DLG1: variants seen among roughly 807,000 people sequenced by gnomAD.
The protein encoded by DLG1 is discs large MAGUK scaffold protein 1.
Under a neutral mutation model 123.4 loss-of-function variants are expected in DLG1, and 42 were observed. The ratio of observed to expected loss-of-function variants is 0.34; its 90% CI spans 0.27 to 0.44. The LOEUF (loss-of-function observed/expected upper bound fraction) is 0.44. DLG1 is among the 20% of genes least tolerant of loss of function. The pLI is 1.00. For missense variants in DLG1, 942 were observed against 1,082.6 expected (o/e 0.87, Z 1.82); for synonymous variants, 317 against 356.2 (o/e 0.89, Z 1.24).
rs952779937 is a variant in DLG1, at chr3:197,221,810, A to G, written c.319-27221T>C. On this transcript the variant is annotated intron_variant, in intron 4 of 24. Coordinates refer to ENST00000667157, the MANE Select transcript of DLG1 (RefSeq NM_001366207.1). ...TGCTTTTGTTTAATATAGAGGCTAT[A>G]AAAGCTAAATACTGTACAGTCATCC... Among the ~76,000 whole-genome samples, 5 of 152,236 alleles carry G rather than the reference A, an allele frequency of 3.3e-5. No individual in the cohort carries two copies. In the East Asian group the frequency reaches 5.8e-4, roughly 18 times the overall value.
Position 197,161,645 on chromosome 3 carries a change from G to C in DLG1, c.484-11849C>G, listed in dbSNP as rs765788178. On this transcript the variant is annotated intron_variant, in intron 5 of 24. Coordinates refer to ENST00000667157, the MANE Select transcript of DLG1 (RefSeq NM_001366207.1). ...AAAAAGAAACTAATAAAAACCTGTGGTATGGTGGGTAGGATGACAGTATTC... is the reference window on the plus strand; with the variant it reads ...AAAAAGAAACTAATAAAAACCTGTGCTATGGTGGGTAGGATGACAGTATTC... 2.0e-6 allele frequency: 3 copies of C among 1,494,646 alleles called. No individual in the cohort carries two copies. In the South Asian group the frequency reaches 4.2e-5, roughly 21 times the overall value. The allele number at this position is 1,494,646 out of a possible 1,614,324, so 92.6% of individuals were successfully genotyped here. A position where few individuals can be genotyped will look rare whatever the true frequency, so the allele number is the denominator to read the frequency against.
chr3:197,060,826 TTTTG>T (rs895492229), intron 22 of DLG1, among the ~76,000 whole-genome samples: 25 of 151,924 alleles, frequency 1.6e-4, no homozygotes, highest in African/African-American at 3.4e-4. Context: ...AACTTCAGTT[TTTTG>T]TTTGTTTGTT....
At chr3:197,148,852 C>T (rs1052026198) in intron 6 of DLG1, among the ~76,000 whole-genome samples, 3 of 152,132 alleles carry the variant, frequency 2.0e-5, no homozygotes, top group East Asian at 1.9e-4. Flanking sequence ...CACGAAATTG[C>T]GGCATTTTCT....
chr3:197,207,171 T>C (rs1728975951), intron 4 of DLG1, among the ~76,000 whole-genome samples: 1 of 152,206 alleles, frequency 6.6e-6, no homozygotes, highest in South Asian at 2.1e-4. Context: ...CTTTGCTCTT[T>C]ACGCAAAGTT....
intron 22 of DLG1, among the ~76,000 whole-genome samples, chr3:197,061,567 G>A (rs12631126): frequency 0.26 from 38,841 of 148,242 alleles, 5,940 homozygotes; most frequent in East Asian, 0.72. Context: ...CTTAGTCTCC[G>A]TCAATCTGAC....
intron 3 of DLG1, among the ~76,000 whole-genome samples, chr3:197,284,419 G>A (rs1186081156): frequency 6.6e-6 from 1 of 152,082 alleles, no homozygotes; most frequent in Non-Finnish European, 1.5e-5. Flanking sequence ...ATCAGGAATT[G>A]CCAAATTTAC....
chr3:197,076,776 T>C (rs12632559), intron 17 of DLG1, 91 bp from the exon 18 acceptor site: 196,415 of 783,608 alleles, frequency 0.25, 28,772 homozygotes, highest in East Asian at 0.56. Flanking sequence ...AGCTGACTCC[T>C]ATGACCACAG....
chr3:197,298,675 A>C, upstream of DLG1: 6 of 146,592 alleles, frequency 4.1e-5, no homozygotes, highest in East Asian at 2.1e-4. Context: ...GGGGGCGGGG[A>C]GGGCGGGGCC....
At chr3:197,123,254 A>T (rs752234909) in intron 11 of DLG1, among the ~76,000 whole-genome samples, 16 of 152,216 alleles carry the variant, frequency 1.1e-4, no homozygotes, top group Non-Finnish European at 1.5e-4. Context: ...TAAAAGCACT[A>T]CCTTAATAGA....
At chr3:197,230,226 A>C (rs1483910088) in intron 4 of DLG1, among the ~76,000 whole-genome samples, 2 of 152,232 alleles carry the variant, frequency 1.3e-5, no homozygotes, top group African/African-American at 4.8e-5. Flanking sequence ...TGTTTGCACT[A>C]CTCAAAACTG....
chr3:197,187,608 T>C (rs1716851774), intron 5 of DLG1, among the ~76,000 whole-genome samples: 2 of 152,196 alleles, frequency 1.3e-5, no homozygotes, highest in South Asian at 4.1e-4. Context: ...CAAATATAAA[T>C]TACTTGTTTC....
At chr3:197,298,811 A>G (rs1262969862), upstream of DLG1, among the ~76,000 whole-genome samples, 1 of 152,204 alleles carries the variant, frequency 6.6e-6, no homozygotes, top group Non-Finnish European at 1.5e-5. Context: ...TTCATTACAG[A>G]AGGACATATG....
chr3:197,298,765 T>C (rs1054193684), upstream of DLG1: 3 of 395,982 alleles, frequency 7.6e-6, no homozygotes, highest in African/African-American at 4.1e-5. Flanking sequence ...GTTAAGTTAC[T>C]CTTCGTCCCT....
intron 5 of DLG1, among the ~76,000 whole-genome samples, chr3:197,155,902 T>C (rs1796212428): frequency 6.6e-6 from 1 of 152,174 alleles, no homozygotes; most frequent in African/African-American, 2.4e-5. Flanking sequence ...TGAGCTGTGA[T>C]GGCACCACTG....
rs150503305 is a variant in DLG1 at position 197,248,131 on chromosome 3, C to T, written c.318+34548G>A. Among the ~76,000 whole-genome samples, 574 of 152,286 alleles carry T rather than the reference C, an allele frequency of 3.8e-3. 3 individuals carry two copies. The highest frequency in any genetic ancestry group is 6.8e-3 in the Middle Eastern group (2 of 294). On this transcript the variant is annotated intron_variant, in intron 4 of 24. Transcript: ENST00000667157. ...ACTTTCAACCTCCAAGATAACCTGA[C>T]CACTAGGAATACTTTACCACCCCTG...
At chr3:197,164,732 T>G (rs1800467857) in intron 5 of DLG1, among the ~76,000 whole-genome samples, 1 of 132,962 alleles carries the variant, frequency 7.5e-6, no homozygotes, top group African/African-American at 2.8e-5. Context: ...CAAAACCCCG[T>G]CTCTACTAAA....
At position 197,048,255 on chromosome 3, in the gene DLG1, G is replaced by C. The variant is rs146923172; in HGVS notation, c.2575+3322C>G. Among the ~76,000 whole-genome samples the C allele has an allele frequency of 1.7e-4, 26 of 152,328 alleles. No homozygotes were observed. The East Asian group carries it at 5.0e-3, about 29-fold the overall frequency. ...GGAGGCTGAGACGGGCAGATCACTTGAGGCCAGGAGTTTGAGACCAGTCTG... is the reference window on the plus strand; with the variant it reads ...GGAGGCTGAGACGGGCAGATCACTTCAGGCCAGGAGTTTGAGACCAGTCTG... On this transcript the variant is annotated intron_variant, in intron 24 of 24. Coordinates refer to ENST00000667157, the MANE Select transcript of DLG1 (RefSeq NM_001366207.1).
chr3:197,051,913 C>T (rs1233590056), intron 23 of DLG1, among the ~76,000 whole-genome samples: 1 of 143,408 alleles, frequency 7.0e-6, no homozygotes, highest in African/African-American at 2.6e-5. Flanking sequence ...ACGATCTCAG[C>T]TCACTGCAAC....
At chr3:197,180,072 G>C (rs1427366798) in intron 5 of DLG1, among the ~76,000 whole-genome samples, 1 of 137,398 alleles carries the variant, frequency 7.3e-6, no homozygotes, top group Non-Finnish European at 1.6e-5. Context: ...TTTTTTGGGG[G>C]GGGGGGGGCT....
Sources: gnomAD v4.1 joint callset for allele counts (sites outside exome capture counted in the v4.1 genomes callset) on GRCh38, gnomAD v4.1.1 for gene constraint, MANE v1.5 for transcripts, NCBI Gene and HGNC (gene_info 2026-07-23, HGNC 2026-07-21) for gene names.